Variants in FER observed in about 807,000 individuals in gnomAD.
FER encodes FER tyrosine kinase, also known as tyrosine-protein kinase Fer.
FER carries 63 observed loss-of-function variants against 111.0 expected under a neutral mutation model. That is an observed-to-expected ratio of 0.57 (90% CI 0.46 to 0.70). The LOEUF (loss-of-function observed/expected upper bound fraction) is 0.70. FER is among the 30% of genes least tolerant of loss of function. The pLI, the probability that FER is intolerant of heterozygous loss-of-function variation, is 0.00. For missense variants in FER, 914 were observed against 954.0 expected (o/e 0.96, Z 0.55); for synonymous variants, 327 against 313.9 (o/e 1.04, Z -0.44).
At chr5:109,084,701 T>C (rs769175769) in intron 16 of FER, among the ~76,000 whole-genome samples, 1 of 152,058 alleles carries the variant, frequency 6.6e-6, no homozygotes, top group East Asian at 1.9e-4. Flanking sequence ...ATCACAAATA[T>C]ATTTTCTTGT....
intron 16 of FER, among the ~76,000 whole-genome samples, chr5:109,098,005 T>C (rs908137658): frequency 6.6e-6 from 1 of 151,812 alleles, no homozygotes; most frequent in Non-Finnish European, 1.5e-5. Flanking sequence ...AAATTTACTT[T>C]CCTAGATTTA....
intron 8 of FER, among the ~76,000 whole-genome samples, chr5:108,880,771 C>A (rs1455826133): frequency 6.6e-6 from 1 of 151,930 alleles, no homozygotes; most frequent in Non-Finnish European, 1.5e-5. Flanking sequence ...TGACCTTTCC[C>A]TGATGACTCT....
At chr5:108,963,852 A>G (rs949501692) in intron 13 of FER, among the ~76,000 whole-genome samples, 6 of 152,146 alleles carry the variant, frequency 3.9e-5, no homozygotes, top group African/African-American at 7.2e-5. Context: ...CGCTGTTTAC[A>G]TTGTTAGTTT....
intron 5 of FER, among the ~76,000 whole-genome samples, chr5:108,846,237 T>C (rs995750686): frequency 6.6e-5 from 10 of 152,158 alleles, no homozygotes; most frequent in Non-Finnish European, 1.3e-4. Context: ...TTTTCCTTTT[T>C]GGTTAAGCTT....
At chr5:109,121,994 G>A (rs1323676331) in intron 17 of FER, among the ~76,000 whole-genome samples, 2 of 150,212 alleles carry the variant, frequency 1.3e-5, no homozygotes, top group African/African-American at 2.4e-5. Context: ...TTCTTAGTCT[G>A]GCTAAAGGTT....
chr5:109,047,637 A>G (rs1772177106), intron 16 of FER, among the ~76,000 whole-genome samples: 1 of 152,082 alleles, frequency 6.6e-6, no homozygotes, highest in Non-Finnish European at 1.5e-5. Flanking sequence ...GTCTCACTAT[A>G]TTGCTCAGGC....
At chr5:109,013,207 C>T (rs1342668526) in intron 13 of FER, among the ~76,000 whole-genome samples, 1 of 149,154 alleles carries the variant, frequency 6.7e-6, no homozygotes, top group South Asian at 2.2e-4. Context: ...TTAGGTATAT[C>T]TCCTAATGCT....
intron 5 of FER, among the ~76,000 whole-genome samples, chr5:108,864,686 C>T (rs1378157097): frequency 6.6e-6 from 1 of 152,182 alleles, no homozygotes; most frequent in African/African-American, 2.4e-5. Flanking sequence ...GGCATTATTT[C>T]TAAGGGCTCT....
At position 108,772,326 on chromosome 5, in the gene FER, A is replaced by G. The variant is rs937065208; in HGVS notation, c.-60+4088A>G. 8.0e-5 allele frequency among the ~76,000 whole-genome samples: 12 copies of G among 149,424 alleles called. No individual in the cohort carries two copies. In the East Asian group the frequency reaches 1.6e-3, roughly 19 times the overall value. On this transcript the variant is annotated intron_variant, in intron 2 of 19. Transcript: ENST00000281092. ...ATGCCATATATATATGTATGTATAT[A>G]TATATACACATATATATGTATATAT...
chr5:109,066,494 T>C (rs2149981075), intron 16 of FER, among the ~76,000 whole-genome samples: 1 of 152,310 alleles, frequency 6.6e-6, no homozygotes, highest in East Asian at 1.9e-4. Flanking sequence ...TAAATTCTTT[T>C]TAAGTTAAGT....
At chr5:108,876,345 C>T (rs1168217030) in intron 8 of FER, among the ~76,000 whole-genome samples, 2 of 152,296 alleles carry the variant, frequency 1.3e-5, no homozygotes, top group African/African-American at 4.8e-5. Context: ...TGGGTGATTT[C>T]ACACTACAGT....
chr5:108,817,253 T>TTTGAAC (rs1192682169), intron 3 of FER, among the ~76,000 whole-genome samples: 1 of 152,002 alleles, frequency 6.6e-6, no homozygotes, highest in Non-Finnish European at 1.5e-5. Flanking sequence ...TAAAATTTCC[T>TTTGAAC]TTGAACTTGC....
chr5:109,099,639 A>G (rs1747969222), intron 16 of FER, among the ~76,000 whole-genome samples: 3 of 151,604 alleles, frequency 2.0e-5, no homozygotes. Context: ...TGTTAGATTC[A>G]AGAAAACTAT....
intron 2 of FER, among the ~76,000 whole-genome samples, chr5:108,796,949 A>C (rs1338448751): frequency 6.6e-6 from 1 of 151,790 alleles, no homozygotes; most frequent in Non-Finnish European, 1.5e-5. Flanking sequence ...GGAGTCTCTC[A>C]CCATAGCCAC....
intron 13 of FER, among the ~76,000 whole-genome samples, chr5:108,976,908 A>G (rs1372074073): frequency 1.3e-5 from 2 of 152,200 alleles, no homozygotes; most frequent in African/African-American, 4.8e-5. Context: ...TGCTGGGAAC[A>G]TTTCCAGCAT....
At position 109,194,994 on chromosome 5, in the gene FER, TAGGTAAA is replaced by T. The variant is rs1026808420; in HGVS notation, c.*7422_*7428del. The T allele has an allele frequency of 2.0e-5, 3 of 152,234 alleles. No homozygotes were observed. The highest frequency in any genetic ancestry group is 7.2e-5 in the African/African-American group (3 of 41,464). 9.4% of individuals were successfully genotyped at this position (152,234 alleles called of 1,614,324 possible). On this transcript the variant is annotated 3_prime_UTR_variant, in exon 20 of 20. Transcript: ENST00000281092. ...CTGGAATCTGGTATTACTGAGATCC[TAGGTAAA>T]AGAACCAGCCTGGCAGTCTTTCCCA...
intron 5 of FER, among the ~76,000 whole-genome samples, chr5:108,851,985 G>C (rs532178467): frequency 6.6e-6 from 1 of 152,182 alleles, no homozygotes; most frequent in Admixed American, 6.5e-5. Context: ...CACTTGAAAG[G>C]AGTTCTCTTC....
intron 10 of FER, among the ~76,000 whole-genome samples, chr5:108,917,244 T>C (rs1752387986): frequency 1.3e-5 from 2 of 152,128 alleles, no homozygotes; most frequent in South Asian, 4.1e-4. Flanking sequence ...TTTAACTTAG[T>C]GGTTGCTCAT....
intron 19 of FER, 90 bp from the exon 20 acceptor site, chr5:109,187,343 C>A (rs1758995170): frequency 3.6e-6 from 5 of 1,371,996 alleles, no homozygotes. Flanking sequence ...ACATAAGGTA[C>A]CAAAAGTTAA....
Sources: allele counts gnomAD v4.1 joint callset (sites outside exome capture counted in the v4.1 genomes callset), GRCh38; gene constraint gnomAD v4.1.1; transcripts MANE v1.5; gene names NCBI Gene and HGNC (gene_info 2026-07-23, HGNC 2026-07-21).